Variants in AFF3 observed in about 807,000 individuals in gnomAD.
AFF3 encodes ALF transcription elongation factor 3.
AFF3 carries 32 observed loss-of-function variants against 129.7 expected under a neutral mutation model. That is an observed-to-expected ratio of 0.25 (90% confidence interval 0.19 to 0.33). The LOEUF (loss-of-function observed/expected upper bound fraction) is 0.33, where lower values mean the gene tolerates loss of function less well. Among genes scored for constraint, AFF3 ranks in the 10% least tolerant of loss-of-function variants. The pLI is 1.00. For missense variants in AFF3, 1,373 were observed against 1,592.0 expected (o/e 0.86, Z 2.34); for synonymous variants, 644 against 635.4 (o/e 1.01, Z -0.20).
At chr2:100,070,747 C>T (rs1324882357) in intron 4 of AFF3, among the ~76,000 whole-genome samples, 1 of 152,174 alleles carries the variant, frequency 6.6e-6, no homozygotes, top group Non-Finnish European at 1.5e-5. Context: ...TTTCTCTACG[C>T]TCATTTCTGT....
intron 8 of AFF3, among the ~76,000 whole-genome samples, chr2:99,835,839 C>A (rs562359668): frequency 6.6e-6 from 1 of 152,150 alleles, no homozygotes; most frequent in African/African-American, 2.4e-5. Context: ...TTGTTTCAGG[C>A]CTCATCCAAA....
intron 7 of AFF3, among the ~76,000 whole-genome samples, chr2:99,876,856 G>A (rs1576253193): frequency 6.6e-6 from 1 of 152,050 alleles, no homozygotes; most frequent in African/African-American, 2.4e-5. Flanking sequence ...TTCTCAACCT[G>A]GAACGTATTT....
intron 7 of AFF3, among the ~76,000 whole-genome samples, chr2:99,958,468 G>C (rs1219289355): frequency 6.8e-6 from 1 of 146,160 alleles, no homozygotes. Context: ...CTGGGTGACA[G>C]AGCAAGACTC....
intron 10 of AFF3, among the ~76,000 whole-genome samples, chr2:99,736,666 G>A (rs1361447453): frequency 2.1e-5 from 3 of 141,930 alleles, no homozygotes; most frequent in African/African-American, 5.3e-5. Context: ...CTGGAGTGCA[G>A]TGGCACAATC....
At chr2:99,622,664 C>G (rs534930511) in intron 13 of AFF3, among the ~76,000 whole-genome samples, 1 of 152,340 alleles carries the variant, frequency 6.6e-6, no homozygotes, top group African/African-American at 2.4e-5. Flanking sequence ...CATCACAGAA[C>G]AGGCCAATAA....
At chr2:99,947,397 C>T (rs1295341862) in intron 7 of AFF3, among the ~76,000 whole-genome samples, 5 of 151,794 alleles carry the variant, frequency 3.3e-5, no homozygotes, top group East Asian at 1.9e-4. Flanking sequence ...GACCCAAGGT[C>T]GTGCCATTGC....
chr2:100,018,032 G>GTATATATA lies in AFF3; in HGVS notation c.54-9108_54-9101dup, dbSNP rs112153264. Among the ~76,000 whole-genome samples the GTATATATA allele has an allele frequency of 3.3e-5, 5 of 150,044 alleles. 1 individual carries two copies. Among genetic ancestry groups the GTATATATA allele is most frequent in the African/African-American group, 4.9e-5 (2 of 40,752 alleles). ...TTGATATGTGTGTGTGTGTGTGTGTGTATATATATATATAGGCTAATTTTA... is the reference window on the plus strand; with the variant it reads ...TTGATATGTGTGTGTGTGTGTGTGTGTATATATATATATATATATATAGGCTAATTTTA... On this transcript the variant is annotated intron_variant, in intron 4 of 24. Coordinates refer to ENST00000672756, the MANE Select transcript of AFF3 (RefSeq NM_001386135.1).
At chr2:99,694,839 T>C (rs1676041502) in intron 11 of AFF3, among the ~76,000 whole-genome samples, 3 of 152,176 alleles carry the variant, frequency 2.0e-5, no homozygotes, top group Admixed American at 2.0e-4. Context: ...CCTAAGTAGC[T>C]GGGATTACAG....
chr2:99,935,794 C>A (rs1288099118), intron 7 of AFF3, among the ~76,000 whole-genome samples: 3 of 152,236 alleles, frequency 2.0e-5, no homozygotes, highest in Non-Finnish European at 4.4e-5. Context: ...ATCACCTGGG[C>A]ATCCCCTCAC....
At chr2:100,111,152 T>G (rs1449074892) in intron 2 of AFF3, among the ~76,000 whole-genome samples, 1 of 152,230 alleles carries the variant, frequency 6.6e-6, no homozygotes, top group Non-Finnish European at 1.5e-5. Context: ...ATCTGGACTT[T>G]TAGGAACAAA....
At chr2:99,981,079 G>A (rs981599508) in intron 7 of AFF3, among the ~76,000 whole-genome samples, 4 of 152,178 alleles carry the variant, frequency 2.6e-5, no homozygotes, top group Admixed American at 6.5e-5. Context: ...GCAATGGCGT[G>A]ATCTCGGCTC....
At chr2:100,102,475 G>A (rs1468770018) in intron 4 of AFF3, among the ~76,000 whole-genome samples, 1 of 152,136 alleles carries the variant, frequency 6.6e-6, no homozygotes, top group Non-Finnish European at 1.5e-5. Flanking sequence ...TAAAAAACGT[G>A]TAAGTTTTTG....
At chr2:99,855,119 A>T (rs970665410) in intron 7 of AFF3, among the ~76,000 whole-genome samples, 207 of 152,342 alleles carry the variant, frequency 1.4e-3, no homozygotes, top group African/African-American at 4.9e-3. Context: ...ACACAAAAAC[A>T]CAAACTACAA....
intron 4 of AFF3, among the ~76,000 whole-genome samples, chr2:100,057,069 C>T (rs988964916): frequency 6.6e-6 from 1 of 152,084 alleles, no homozygotes; most frequent in African/African-American, 2.4e-5. Context: ...ACCTGTAATC[C>T]CAGAACTTTG....
At chr2:99,578,283 G>A in intron 18 of AFF3, 44 bp downstream of exon 18, 1 of 1,543,112 alleles carries the variant, frequency 6.5e-7, no homozygotes, top group South Asian at 1.3e-5. Flanking sequence ...AGCAGCTTCT[G>A]TTCTGTCTTG....
chr2:100,026,466 C>G (rs1684051169), intron 4 of AFF3, among the ~76,000 whole-genome samples: 1 of 152,068 alleles, frequency 6.6e-6, no homozygotes, highest in Non-Finnish European at 1.5e-5. Flanking sequence ...TAAACTGGTA[C>G]AGCCACTATA....
At position 99,605,589 on chromosome 2, in the gene AFF3, C is replaced by T. The variant is rs74770768; in HGVS notation, c.1185-3968G>A. Among the ~76,000 whole-genome samples, 34 of 152,324 alleles carry T rather than the reference C, an allele frequency of 2.2e-4. 1 individual carries two copies. Among genetic ancestry groups the T allele is most frequent in the African/African-American group, 8.2e-4 (34 of 41,564 alleles). On this transcript the variant is annotated intron_variant, in intron 13 of 24. Transcript: ENST00000672756. ...AGCTGCTTTACCCATCGTGGGGCAG[C>T]TGCAGCAGTGAGGGTGGCAGAGCCA...
chr2:99,629,012 G>A (rs1253139174), intron 13 of AFF3, among the ~76,000 whole-genome samples: 4 of 151,500 alleles, frequency 2.6e-5, no homozygotes, highest in South Asian at 2.1e-4. Context: ...GTGAGCTACC[G>A]TGCTCAGCCT....
chr2:99,979,940 A>T (rs1679245986), intron 7 of AFF3, among the ~76,000 whole-genome samples: 1 of 152,182 alleles, frequency 6.6e-6, no homozygotes, highest in East Asian at 1.9e-4. Flanking sequence ...ATACGCAAAC[A>T]TGGCTCTGAG....
Sources: allele counts gnomAD v4.1 joint callset (sites outside exome capture counted in the v4.1 genomes callset), GRCh38; gene constraint gnomAD v4.1.1; transcripts MANE v1.5; gene names NCBI Gene and HGNC (gene_info 2026-07-23, HGNC 2026-07-21).